B3GLCT: variants seen among roughly 807,000 people sequenced by gnomAD.
B3GLCT encodes beta-1,3-glucosyltransferase.
In B3GLCT, 65 loss-of-function variants were observed where a neutral mutation model predicts 63.4. The observed-to-expected ratio is 1.03, with a 90% CI of 0.84 to 1.26. B3GLCT has a LOEUF of 1.26. B3GLCT is among the 50% of genes most tolerant of loss of function. B3GLCT has a pLI of 0.00. For synonymous variants in B3GLCT, 233 were observed against 219.2 expected (o/e 1.06, Z -0.55); for missense variants, 577 against 604.8 (o/e 0.95, Z 0.48).
chr13:31,246,985 C>T lies in B3GLCT; in HGVS notation c.271-38C>T, dbSNP rs79127728. On this transcript the variant is annotated intron_variant, in intron 4 of 14. Transcript: ENST00000343307. ...TTTTTTTACTTTTTTTCGGAGTAGT[C>T]AATTCATACTTATCTTCTTTGATCA... 1,720 of 1,159,404 alleles carry T rather than the reference C, an allele frequency of 1.5e-3. 19 individuals are homozygous for T. The African/African-American group carries it at 0.026, about 18-fold the overall frequency. The allele number at this position is 1,159,404 out of a possible 1,614,324, so 71.8% of individuals were successfully genotyped here. A position where few individuals can be genotyped will look rare whatever the true frequency, so the allele number is the denominator to read the frequency against.
chr13:31,327,361 G>C (rs1875683963), intron 14 of B3GLCT, among the ~76,000 whole-genome samples: 1 of 152,194 alleles, frequency 6.6e-6, no homozygotes, highest in Non-Finnish European at 1.5e-5. Flanking sequence ...TCAGGGGCAG[G>C]GAGTGTAGAC....
chr13:31,215,848 C>G (rs1207419001), intron 2 of B3GLCT, among the ~76,000 whole-genome samples: 1 of 152,140 alleles, frequency 6.6e-6, no homozygotes, highest in Non-Finnish European at 1.5e-5. Flanking sequence ...ATGCTGGGGC[C>G]TGGGCGGGAG....
chr13:31,326,697 C>T (rs1875645380), intron 14 of B3GLCT, among the ~76,000 whole-genome samples: 1 of 152,098 alleles, frequency 6.6e-6, no homozygotes, highest in African/African-American at 2.4e-5. Context: ...TTTGGGATTT[C>T]CTCTTGACAT....
At chr13:31,286,608 T>G in intron 11 of B3GLCT, 112 bp from the exon 12 acceptor site, 1 of 734,894 alleles carries the variant, frequency 1.4e-6, no homozygotes, top group East Asian at 2.8e-5. Context: ...ACTTTTAAGC[T>G]GCATTTTGGC....
intron 14 of B3GLCT, 72 bp downstream of exon 14, chr13:31,323,967 T>C: frequency 6.4e-7 from 1 of 1,559,132 alleles, no homozygotes. Flanking sequence ...GGATTTGACT[T>C]CTTTCTCTTC....
intron 6 of B3GLCT, among the ~76,000 whole-genome samples, chr13:31,249,505 TAGG>T (rs1871332488): frequency 1.3e-5 from 2 of 152,236 alleles, no homozygotes; most frequent in African/African-American, 4.8e-5. Flanking sequence ...TTTTAGGATG[TAGG>T]AGTTTTCACC....
At chr13:31,302,335 G>A (rs986724732) in intron 12 of B3GLCT, among the ~76,000 whole-genome samples, 5 of 152,170 alleles carry the variant, frequency 3.3e-5, no homozygotes, top group South Asian at 4.2e-4. Context: ...CAAGATGGCC[G>A]AATAGGAACA....
chr13:31,227,732 T>C (rs939686689), intron 3 of B3GLCT, among the ~76,000 whole-genome samples: 2 of 152,198 alleles, frequency 1.3e-5, no homozygotes, highest in Non-Finnish European at 2.9e-5. Context: ...AATAAATGAA[T>C]GGACCTATAG....
chr13:31,222,674 A>G (rs1234671512), intron 2 of B3GLCT, among the ~76,000 whole-genome samples: 2 of 152,250 alleles, frequency 1.3e-5, no homozygotes, highest in Non-Finnish European at 1.5e-5. Flanking sequence ...ATCTTACACA[A>G]TAGGAAAGAG....
chr13:31,206,097 G>C (rs1200107587), intron 1 of B3GLCT, among the ~76,000 whole-genome samples: 1 of 152,190 alleles, frequency 6.6e-6, no homozygotes, highest in African/African-American at 2.4e-5. Flanking sequence ...ATATGGAGGA[G>C]CTTGTTTTTC....
intron 12 of B3GLCT, among the ~76,000 whole-genome samples, chr13:31,310,879 A>G (rs984471724): frequency 9.8e-5 from 15 of 152,342 alleles, no homozygotes; most frequent in African/African-American, 3.6e-4. Context: ...CAGTCACAGC[A>G]TGCCCAGCCC....
rs753943791 is a variant in B3GLCT at position 31,274,524 on chromosome 13, T to C, written c.676T>C (p.Trp226Arg). Residue 226 changes from tryptophan (W) to arginine (R), a missense_variant, in exon 9 of 15, where the codon TGG (tryptophan) becomes CGG (arginine). Physicochemically the swap from Trp to Arg is moderately radical, Grantham distance 101. Transcript: ENST00000343307. ...CTCGTGGCAGATTGCCCTCTACATC[T>C]GGGACAAAGGCGGAGGACCTCCCCT... The part of the protein sequence containing the change: ...DLKHEIALYI[W>R]DKGGGPPLTP... 1 of 1,614,220 alleles carries C rather than the reference T, an allele frequency of 6.2e-7. No homozygotes were observed. The highest frequency in any genetic ancestry group is 2.2e-5 in the East Asian group (1 of 44,874).
At chr13:31,328,312 A>G (rs964987567) in intron 14 of B3GLCT, among the ~76,000 whole-genome samples, 1 of 152,234 alleles carries the variant, frequency 6.6e-6, no homozygotes, top group Admixed American at 6.5e-5. Context: ...CATCACATCT[A>G]GTTTTAGTAG....
chr13:31,235,707 T>C (rs904180722), intron 4 of B3GLCT, among the ~76,000 whole-genome samples: 1 of 152,184 alleles, frequency 6.6e-6, no homozygotes, highest in Non-Finnish European at 1.5e-5. Context: ...ACACCTAAAA[T>C]GCACGTCTTA....
At chr13:31,246,722 G>A (rs1272236965) in intron 4 of B3GLCT, among the ~76,000 whole-genome samples, 1 of 152,078 alleles carries the variant, frequency 6.6e-6, no homozygotes, top group Non-Finnish European at 1.5e-5. Flanking sequence ...TTTCAGGTTG[G>A]CTCGGAGTCA....
chr13:31,226,343 C>T (rs1376230778), intron 3 of B3GLCT, among the ~76,000 whole-genome samples: 1 of 152,168 alleles, frequency 6.6e-6, no homozygotes, highest in African/African-American at 2.4e-5. Context: ...ATGAATGAAG[C>T]GTGCATGATT....
chr13:31,284,409 G>A (rs1326310786), intron 10 of B3GLCT, among the ~76,000 whole-genome samples: 2 of 152,162 alleles, frequency 1.3e-5, no homozygotes, highest in African/African-American at 4.8e-5. Flanking sequence ...GGAAGTAAGT[G>A]CATTCATCAC....
At chr13:31,286,329 G>T (rs1185442590) in intron 11 of B3GLCT, among the ~76,000 whole-genome samples, 1 of 152,200 alleles carries the variant, frequency 6.6e-6, no homozygotes, top group African/African-American at 2.4e-5. Flanking sequence ...AGTGGTGCCT[G>T]GGGTTCTAAC....
At chr13:31,237,887 C>T (rs941495459) in intron 4 of B3GLCT, among the ~76,000 whole-genome samples, 3 of 152,164 alleles carry the variant, frequency 2.0e-5, no homozygotes, top group South Asian at 2.1e-4. Flanking sequence ...GGGACCCCAA[C>T]TGTGAAGCAT....
Sources: gnomAD v4.1 joint callset for allele counts (sites outside exome capture counted in the v4.1 genomes callset) on GRCh38, gnomAD v4.1.1 for gene constraint, MANE v1.5 for transcripts, NCBI Gene and HGNC (gene_info 2026-07-23, HGNC 2026-07-21) for gene names.